PSG6: variants seen among roughly 807,000 people sequenced by gnomAD.
PSG6 encodes pregnancy specific beta-1-glycoprotein 6, also known as pregnancy-specific beta-1-glycoprotein 6.
PSG6 carries 51 observed loss-of-function variants against 43.3 expected under a neutral mutation model. The ratio of observed to expected loss-of-function variants is 1.18; its 90% CI spans 0.94 to 1.49. The LOEUF (loss-of-function observed/expected upper bound fraction) is 1.49, where lower values mean the gene tolerates loss of function less well. Among genes scored for constraint, PSG6 ranks in the 40% most tolerant of loss-of-function variants. The pLI is 0.00. For synonymous variants in PSG6, 292 were observed against 197.6 expected (o/e 1.48, Z -4.01); for missense variants, 770 against 522.2 (o/e 1.47, Z -4.62).
rs3198831 is a variant in PSG6, at chr19:42,916,299, G to T, written c.253C>A (p.His85Asn). 5 of 1,611,472 alleles carry T rather than the reference G, an allele frequency of 3.1e-6. No individual in the cohort carries two copies. The highest frequency in any genetic ancestry group is 3.4e-6 in the Non-Finnish European group (4 of 1,178,994). ...LYHYITSYVVHGQIIYGPAYS... is the reference protein window; with the variant it reads ...LYHYITSYVVNGQIIYGPAYS... Reference sequence around the variant, plus strand: ...GCAGGCCCATATATAATTTGACCGTGTACTACATATGATGTAATGTAATGG... The same window carrying T: ...GCAGGCCCATATATAATTTGACCGTTTACTACATATGATGTAATGTAATGG... The change falls in exon 2 of 6, where the codon CAC (histidine) becomes AAC (asparagine). Residue 85 changes from histidine (H) to asparagine (N), a missense_variant. By Grantham distance (68) the His-to-Asn change is moderately conservative (BLOSUM62 1). Transcript: ENST00000187910.
intron 2 of PSG6, among the ~76,000 whole-genome samples, chr19:42,912,441 G>T (rs1323975711): frequency 1.3e-5 from 2 of 151,730 alleles, no homozygotes; most frequent in African/African-American, 4.8e-5. Flanking sequence ...ATGAATTCCA[G>T]CAGGATCACA....
intron 5 of PSG6, among the ~76,000 whole-genome samples, chr19:42,905,897 G>T (rs907871946): frequency 1.3e-5 from 2 of 151,558 alleles, no homozygotes; most frequent in Admixed American, 6.6e-5. Context: ...AAGTAGAATG[G>T]TGGGTGTTAA....
intron 5 of PSG6, among the ~76,000 whole-genome samples, chr19:42,904,881 A>C (rs1461079428): frequency 6.6e-6 from 1 of 151,758 alleles, no homozygotes; most frequent in South Asian, 2.1e-4. Flanking sequence ...TCCTGATTTC[A>C]GCATTTACTA....
chr19:42,910,479 A>G (rs1194545993), intron 3 of PSG6, 101 bp downstream of exon 3: 4 of 1,611,308 alleles, frequency 2.5e-6, no homozygotes, highest in Non-Finnish European at 3.4e-6. Flanking sequence ...TCAGGGATAA[A>G]GGTCTCTGTA....
In PSG6 at chr19:42,907,621, G is replaced by C. The variant is rs1352818787; in HGVS notation, c.940C>G (p.Arg314Gly). 6.2e-7 allele frequency: 1 copy of C among 1,611,872 alleles called. No homozygotes were observed. The highest frequency in any genetic ancestry group is 8.5e-7 in the Non-Finnish European group (1 of 1,179,100). The change falls in exon 4 of 6, where the codon CGA becomes GGA. Residue 314 changes from arginine (R) to glycine (G), a missense_variant. Arg to Gly is a moderately radical substitution (Grantham distance 125, BLOSUM62 -2). Coordinates refer to ENST00000187910, the MANE Select transcript of PSG6 (RefSeq NM_001031850.4). ...GGGTTACTGCGGATGCCACCATATC[G>C]GTCCCGTATTTCACATTGATAGGGT... ...TGPYQCEIRD[R>G]YGGIRSNPVT... is the part of the protein sequence containing the mutation.
chr19:42,914,204 T>G (rs1972280052), intron 2 of PSG6, among the ~76,000 whole-genome samples: 1 of 151,270 alleles, frequency 6.6e-6, no homozygotes, highest in Non-Finnish European at 1.5e-5. Flanking sequence ...CTTAGTGACC[T>G]GGGGACATTG....
chr19:42,912,975 A>G (rs865977114), intron 2 of PSG6, among the ~76,000 whole-genome samples: 2 of 151,580 alleles, frequency 1.3e-5, no homozygotes, highest in Admixed American at 6.6e-5. Flanking sequence ...AAAAATTGCT[A>G]TTGTCAAAAC....
At chr19:42,907,938 C>T (rs1263038223) in intron 3 of PSG6, 84 bp from the exon 4 acceptor site, 2 of 1,552,346 alleles carry the variant, frequency 1.3e-6, no homozygotes, top group Non-Finnish European at 1.8e-6. Flanking sequence ...CATCTCCCAC[C>T]TGTCAACCCA....
At chr19:42,917,477 C>T (rs1185165145) in intron 1 of PSG6, among the ~76,000 whole-genome samples, 3 of 149,716 alleles carry the variant, frequency 2.0e-5, no homozygotes, top group Non-Finnish European at 4.4e-5. Flanking sequence ...GATTATCCTG[C>T]CTCAGCCTCC....
Position 42,907,084 on chromosome 19 carries a change from GT to G in PSG6, c.1077del (p.Pro360ArgfsTer49). 1 of 1,612,744 alleles carries G rather than the reference GT, an allele frequency of 6.2e-7. No homozygotes were observed. Among genetic ancestry groups the G allele is most frequent in the Non-Finnish European group, 8.5e-7 (1 of 1,179,270 alleles). On this transcript the variant is annotated frameshift_variant, in exon 5 of 6. Transcript: ENST00000187910. LOFTEE classifies it high-confidence loss of function. ...TTAATTGTCCAAGAATACTCTGCCG[GT>G]GGGTTAGAGTCCGCAAAGCAGGACA... The part of the protein sequence containing the change: ...LDLSCFADSN[P>X]PAEYSWTING...
rs115795927 is a variant in PSG6, at chr19:42,916,170, C to T, written c.382G>A (p.Asp128Asn). 2,835 of 1,612,000 alleles carry T rather than the reference C, an allele frequency of 1.8e-3. 95 individuals are homozygous for T. In the African/African-American group the frequency reaches 0.032, roughly 18 times the overall value. The part of the protein sequence containing the change: ...SYTLHIIKRG[D>N]GTGGVTGYFT... Reference sequence around the variant, plus strand: ...TATCCAGTTACTCCTCCAGTCCCATCGCCTCGCTTTATGATGTGTAAGGTG... The same window carrying T: ...TATCCAGTTACTCCTCCAGTCCCATTGCCTCGCTTTATGATGTGTAAGGTG... Residue 128 changes from aspartate (D) to asparagine (N), a missense_variant, in exon 2 of 6, where the codon GAT becomes AAT. Asp to Asn is a conservative substitution (Grantham distance 23). Coordinates refer to ENST00000187910, the MANE Select transcript of PSG6 (RefSeq NM_001031850.4).
Position 42,902,380 on chromosome 19 carries a change from T to A in PSG6, c.*32A>T. 1 of 1,608,218 alleles carries A rather than the reference T, an allele frequency of 6.2e-7. No individual in the cohort carries two copies. The highest frequency in any genetic ancestry group is 1.7e-5 in the Admixed American group (1 of 59,728). ...GAATTTCATGAAGGTATCAACCTGTTCTTTTTCTCAGTGTCTCTATTGTGG... is the reference window on the plus strand; with the variant it reads ...GAATTTCATGAAGGTATCAACCTGTACTTTTTCTCAGTGTCTCTATTGTGG... On this transcript the variant is annotated 3_prime_UTR_variant, in exon 6 of 6. Transcript: ENST00000187910.
At chr19:42,911,916 C>T (rs1160521192) in intron 2 of PSG6, among the ~76,000 whole-genome samples, 2 of 151,398 alleles carry the variant, frequency 1.3e-5, no homozygotes, top group African/African-American at 2.4e-5. Context: ...GGGTATAGGG[C>T]GTTGTTCCGT....
intron 2 of PSG6, among the ~76,000 whole-genome samples, chr19:42,912,945 G>T (rs1169941335): frequency 1.3e-5 from 2 of 151,598 alleles, no homozygotes; most frequent in Non-Finnish European, 2.9e-5. Context: ...CTTTGTAGTT[G>T]TCCCACAACT....
At chr19:42,903,567 A>C (rs1227025872) in intron 5 of PSG6, 2 of 1,408,042 alleles carry the variant, frequency 1.4e-6, no homozygotes, top group African/African-American at 1.5e-5. Context: ...CTAAGAAAAA[A>C]AGAGAAAAGA....
rs1234678865 is a variant in PSG6 at position 42,907,148 on chromosome 19, A to G, written c.1014T>C (p.Pro338=). Residue 338 remains proline, a synonymous_variant, in exon 5 of 6, where the codon CCT becomes CCC. Transcript: ENST00000187910. ...CTCCTGAACGGTAATAGGTGAATGA[A>G]GGGTAAATTCTGGGGAGGTCTGGAC... The part of the protein sequence containing the change: ...LYGPDLPRIY[P]SFTYYRSGEN... 1.2e-6 allele frequency: 2 copies of G among 1,612,716 alleles called. No individual in the cohort carries two copies. Among genetic ancestry groups the G allele is most frequent in the East Asian group, 2.2e-5 (1 of 44,800 alleles).
chr19:42,908,894 C>T (rs902212322), intron 3 of PSG6, among the ~76,000 whole-genome samples: 2 of 151,544 alleles, frequency 1.3e-5, no homozygotes, highest in Non-Finnish European at 2.9e-5. Flanking sequence ...AAGCCAGGAG[C>T]TGGGAGTGGG....
chr19:42,917,723 C>T lies in PSG6; in HGVS notation c.64+6G>A, dbSNP rs780363530. 7 of 1,609,592 alleles carry T rather than the reference C, an allele frequency of 4.3e-6. No individual in the cohort carries two copies. Among genetic ancestry groups the T allele is most frequent in the East Asian group, 2.2e-5 (1 of 44,662 alleles). On this transcript the variant is annotated splice_donor_region_variant and intron_variant, in intron 1 of 5. Coordinates refer to ENST00000187910, the MANE Select transcript of PSG6 (RefSeq NM_001031850.4). Reference sequence around the variant, plus strand: ...CCTGTCCTCTCCCAGGAAGTCCTCTCCTCACCTGTGAGCAGGAGCCCCTTC... The same window carrying T: ...CCTGTCCTCTCCCAGGAAGTCCTCTTCTCACCTGTGAGCAGGAGCCCCTTC...
At chr19:42,917,188 G>C (rs187267439) in intron 1 of PSG6, among the ~76,000 whole-genome samples, 1 of 151,138 alleles carries the variant, frequency 6.6e-6, no homozygotes, top group African/African-American at 2.4e-5. Context: ...TTTTCAAAAT[G>C]TGGTGGCCCC....
Sources: gnomAD v4.1 joint callset for allele counts (sites outside exome capture counted in the v4.1 genomes callset) on GRCh38, gnomAD v4.1.1 for gene constraint, MANE v1.5 for transcripts, NCBI Gene and HGNC (gene_info 2026-07-23, HGNC 2026-07-21) for gene names.